NRTN: variants seen among roughly 807,000 people sequenced by gnomAD.
NRTN encodes the protein neurturin.
NRTN carries 3 observed loss-of-function variants against 7.5 expected under a neutral mutation model. The observed-to-expected ratio is 0.40, with a 90% confidence interval of 0.18 to 1.03. The LOEUF (loss-of-function observed/expected upper bound fraction) is 1.03, where lower values mean the gene tolerates loss of function less well. Among genes scored for constraint, NRTN ranks in the 50% least tolerant of loss-of-function variants. The probability of loss-of-function intolerance (pLI) is 0.34; values close to 1 mark genes in which losing one functional copy is unlikely to be tolerated. For synonymous variants in NRTN, 157 were observed against 146.6 expected (o/e 1.07, Z -0.51); for missense variants, 310 against 307.0 (o/e 1.01, Z -0.07).
chr19:5,808,138 G>A (rs1161849022), intron 1 of NRTN, among the ~76,000 whole-genome samples: 1 of 152,174 alleles, frequency 6.6e-6, no homozygotes, highest in Non-Finnish European at 1.5e-5. Context: ...ACTGAAGAGT[G>A]GTTCCCAGTC....
At chr19:5,822,992 C>G (rs2057030788) in intron 1 of NRTN, among the ~76,000 whole-genome samples, 1 of 150,166 alleles carries the variant, frequency 6.7e-6, no homozygotes, top group Admixed American at 6.7e-5. Context: ...CCACTGCACT[C>G]CAGCCTGGGT....
rs1182421822 is a variant in NRTN at position 5,828,014 on chromosome 19, G to A, written c.435G>A (p.Leu145=). ...CCGCGCGCGTCTACGACCTCGGGCT[G>A]CGACGACTGCGCCAGCGGCGGCGCC... is the stretch of plus-strand genomic sequence containing the variant. The part of the protein sequence containing the change: ...EAAARVYDLG[L]RRLRQRRRLR... Residue 145 remains leucine (L), a synonymous_variant, in exon 3 of 3, where the codon CTG becomes CTA. Transcript: ENST00000303212. The A allele has an allele frequency of 2.8e-6, 4 of 1,434,944 alleles. No homozygotes were observed. In the East Asian group the frequency reaches 9.0e-5, roughly 32 times the overall value. 88.9% of individuals were successfully genotyped at this position (1,434,944 alleles called of 1,614,324 possible). A position where few individuals can be genotyped will look rare whatever the true frequency, so the allele number is the denominator to read the frequency against.
intron 1 of NRTN, among the ~76,000 whole-genome samples, chr19:5,818,469 G>A (rs2057013196): frequency 1.3e-5 from 2 of 152,070 alleles, no homozygotes; most frequent in Non-Finnish European, 2.9e-5. Flanking sequence ...GTGTGAGATG[G>A]GGCATCTCGC....
At chr19:5,826,544 G>A (rs1475164878) in intron 2 of NRTN, among the ~76,000 whole-genome samples, 2 of 152,210 alleles carry the variant, frequency 1.3e-5, no homozygotes, top group South Asian at 2.1e-4. Context: ...GAGACAGACA[G>A]CCCCTCCTTC....
rs1487324968 is a variant in NRTN at position 5,805,225 on chromosome 19, C to G, written c.-625C>G. Among the ~76,000 whole-genome samples, 5 of 146,480 alleles carry G rather than the reference C, an allele frequency of 3.4e-5. No homozygotes were observed. Among genetic ancestry groups the G allele is most frequent in the Non-Finnish European group, 7.6e-5 (5 of 65,896 alleles). ...CCGCCGGCCGTCCAGGGCACCCACC[C>G]CCAGCCCCAGCCCCCGCCGGCCCGG... is the stretch of plus-strand genomic sequence containing the variant. On this transcript the variant is annotated 5_prime_UTR_variant, in exon 1 of 3. Coordinates refer to ENST00000303212, the MANE Select transcript of NRTN (RefSeq NM_004558.5).
intron 2 of NRTN, among the ~76,000 whole-genome samples, chr19:5,827,492 C>T (rs1026405958): frequency 2.0e-5 from 3 of 151,354 alleles, no homozygotes; most frequent in Non-Finnish European, 4.4e-5. Context: ...CCAATATAGG[C>T]TCAGGGTTCA....
chr19:5,815,744 T>G (rs1442234970), intron 1 of NRTN, among the ~76,000 whole-genome samples: 3 of 143,274 alleles, frequency 2.1e-5, no homozygotes, highest in East Asian at 2.2e-4. Context: ...CCTGTTTTTT[T>G]TTTTTTTTTT....
At chr19:5,821,951 T>TA (rs2057026255) in intron 1 of NRTN, among the ~76,000 whole-genome samples, 1 of 152,172 alleles carries the variant, frequency 6.6e-6, no homozygotes, top group Admixed American at 6.6e-5. Flanking sequence ...CCATGTCCTT[T>TA]TCTAACCCTT....
chr19:5,821,234 T>C (rs892514489), intron 1 of NRTN, among the ~76,000 whole-genome samples: 1 of 151,164 alleles, frequency 6.6e-6, no homozygotes, highest in Non-Finnish European at 1.5e-5. Flanking sequence ...CATCCATCCG[T>C]TCACTCAGAC....
At chr19:5,807,572 C>T (rs2056978268) in intron 1 of NRTN, among the ~76,000 whole-genome samples, 1 of 152,096 alleles carries the variant, frequency 6.6e-6, no homozygotes, top group Non-Finnish European at 1.5e-5. Context: ...AAGGGTGTCT[C>T]GGAGATGATG....
At chr19:5,807,320 A>G (rs1030428786) in intron 1 of NRTN, among the ~76,000 whole-genome samples, 1 of 152,090 alleles carries the variant, frequency 6.6e-6, no homozygotes, top group Non-Finnish European at 1.5e-5. Context: ...TTGTTAATGT[A>G]TCTGGAGTCA....
At chr19:5,810,753 A>G (rs1202241636) in intron 1 of NRTN, among the ~76,000 whole-genome samples, 1 of 151,790 alleles carries the variant, frequency 6.6e-6, no homozygotes, top group Non-Finnish European at 1.5e-5. Flanking sequence ...ACATGGTGAA[A>G]CCCCATCTCT....
At chr19:5,816,721 T>C (rs2057006236) in intron 1 of NRTN, among the ~76,000 whole-genome samples, 1 of 152,160 alleles carries the variant, frequency 6.6e-6, no homozygotes, top group African/African-American at 2.4e-5. Flanking sequence ...CTCCCTATAT[T>C]GCCCAGGTTG....
chr19:5,824,606 C>T (rs1385218735), intron 2 of NRTN, among the ~76,000 whole-genome samples: 5 of 152,100 alleles, frequency 3.3e-5, no homozygotes, highest in African/African-American at 9.7e-5. Flanking sequence ...GTAGCGAGAC[C>T]GCCATCTCTA....
intron 1 of NRTN, among the ~76,000 whole-genome samples, chr19:5,811,715 T>G (rs1251227800): frequency 6.6e-6 from 1 of 151,100 alleles, no homozygotes; most frequent in African/African-American, 2.4e-5. Flanking sequence ...TTTTTGTTTT[T>G]TTTTTTTGTA....
rs1159507652 is a variant in NRTN, at chr19:5,828,119, C to G, written c.540C>G (p.His180Gln). The change falls in exon 3 of 3, where the codon CAC becomes CAG. Residue 180 changes from histidine to glutamine, a missense_variant. His to Gln is a conservative substitution (Grantham distance 24). Coordinates refer to ENST00000303212, the MANE Select transcript of NRTN (RefSeq NM_004558.5). Reference protein sequence around the residue: ...YEDEVSFLDAHSRYHTVHELS... With the variant: ...YEDEVSFLDAQSRYHTVHELS... The stretch of plus-strand genomic sequence containing the variant: ...ACGAGGTGTCCTTCCTGGACGCGCA[C>G]AGCCGCTACCACACGGTGCACGAGC... 1 of 1,504,944 alleles carries G rather than the reference C, an allele frequency of 6.6e-7. No individual in the cohort carries two copies. Among genetic ancestry groups the G allele is most frequent in the Non-Finnish European group, 8.8e-7 (1 of 1,134,490 alleles). The allele number at this position is 1,504,944 out of a possible 1,614,324, so 93.2% of individuals were successfully genotyped here. A position where few individuals can be genotyped will look rare whatever the true frequency, so the allele number is the denominator to read the frequency against.
intron 1 of NRTN, among the ~76,000 whole-genome samples, chr19:5,814,829 T>C (rs987329774): frequency 2.0e-5 from 3 of 149,968 alleles, no homozygotes; most frequent in African/African-American, 7.4e-5. Context: ...TAGGTCCTTC[T>C]TGCTGCACCT....
chr19:5,810,415 A>G (rs1268010156), intron 1 of NRTN, among the ~76,000 whole-genome samples: 1 of 151,954 alleles, frequency 6.6e-6, no homozygotes, highest in African/African-American at 2.4e-5. Flanking sequence ...AACCGGCCTC[A>G]GCTGCTTACT....
intron 1 of NRTN, among the ~76,000 whole-genome samples, chr19:5,811,627 G>C (rs2056990741): frequency 6.6e-6 from 1 of 151,964 alleles, no homozygotes; most frequent in South Asian, 2.1e-4. Context: ...CCATGTCCTT[G>C]GTTCAAGTGA....
Sources: gnomAD v4.1 joint callset for allele counts (sites outside exome capture counted in the v4.1 genomes callset) on GRCh38, gnomAD v4.1.1 for gene constraint, MANE v1.5 for transcripts, NCBI Gene and HGNC (gene_info 2026-07-23, HGNC 2026-07-21) for gene names.